Variants in AFF3 observed in about 807,000 individuals in gnomAD.
AFF3 encodes ALF transcription elongation factor 3, also known as AF4/FMR2 family member 3.
In AFF3, 32 loss-of-function variants were observed where a neutral mutation model predicts 129.7. The observed-to-expected ratio is 0.25, with a 90% confidence interval of 0.19 to 0.33. AFF3 has a LOEUF of 0.33. Among genes scored for constraint, AFF3 ranks in the 10% least tolerant of loss-of-function variants. AFF3 has a pLI of 1.00. For missense variants in AFF3, 1,373 were observed against 1,592.0 expected, an observed-to-expected ratio of 0.86 and a Z score of 2.34; for synonymous variants, 644 against 635.4, an observed-to-expected ratio of 1.01 and a Z score of -0.20.
chr2:99,983,292 G>A (rs1297653985), intron 7 of AFF3, among the ~76,000 whole-genome samples: 3 of 152,092 alleles, frequency 2.0e-5, no homozygotes, highest in Non-Finnish European at 2.9e-5. Context: ...TAGCCCATTT[G>A]CTCCATCCTG....
At chr2:99,836,987 C>G (rs532592724) in intron 8 of AFF3, among the ~76,000 whole-genome samples, 1 of 152,232 alleles carries the variant, frequency 6.6e-6, no homozygotes, top group Non-Finnish European at 1.5e-5. Flanking sequence ...ATGAAAAGGA[C>G]GGGCTCACAG....
chr2:100,032,427 T>C (rs1208146397), intron 4 of AFF3, among the ~76,000 whole-genome samples: 1 of 119,720 alleles, frequency 8.4e-6, no homozygotes, highest in Non-Finnish European at 1.8e-5. Flanking sequence ...AGACTCTGTC[T>C]CAAAAAAAAA....
At chr2:99,649,710 T>G in intron 12 of AFF3, 44 bp from the exon 13 acceptor site, 1 of 1,609,768 alleles carries the variant, frequency 6.2e-7, no homozygotes, top group South Asian at 1.1e-5. Context: ...ATATTCTGAC[T>G]TTTGAATTAC....
At chr2:99,640,928 G>A (rs1375390161) in intron 13 of AFF3, among the ~76,000 whole-genome samples, 1 of 152,178 alleles carries the variant, frequency 6.6e-6, no homozygotes, top group African/African-American at 2.4e-5. Flanking sequence ...CATGCTTGAG[G>A]GATGCACTGC....
chr2:99,711,713 T>C, intron 11 of AFF3, among the ~76,000 whole-genome samples: 1 of 152,210 alleles, frequency 6.6e-6, no homozygotes, highest in Admixed American at 6.5e-5. Flanking sequence ...ATTCCTTCAT[T>C]TATTCATACT....
intron 7 of AFF3, among the ~76,000 whole-genome samples, chr2:99,988,032 G>T (rs543213179): frequency 4.6e-5 from 7 of 152,088 alleles, no homozygotes; most frequent in African/African-American, 1.7e-4. Context: ...CCAGGAGCAC[G>T]CAGAACAATA....
intron 4 of AFF3, among the ~76,000 whole-genome samples, chr2:100,091,358 C>T (rs1478512289): frequency 6.6e-6 from 1 of 152,100 alleles, no homozygotes; most frequent in African/African-American, 2.4e-5. Flanking sequence ...AGGACAACAT[C>T]GTGGGACTCC....
chr2:99,778,901 T>TGC (rs1348371223), intron 8 of AFF3, among the ~76,000 whole-genome samples: 1 of 5,726 alleles, frequency 1.7e-4, no homozygotes, highest in Non-Finnish European at 3.4e-4. Flanking sequence ...TGTGCGCGTG[T>TGC]GTGTGTGTGT....
intron 4 of AFF3, among the ~76,000 whole-genome samples, chr2:100,025,563 G>C (rs956449280): frequency 2.0e-5 from 3 of 151,992 alleles, no homozygotes; most frequent in African/African-American, 7.2e-5. Context: ...AAATTCATAT[G>C]GAACCAAAAA....
At chr2:99,708,588 C>T (rs1428911883) in intron 11 of AFF3, among the ~76,000 whole-genome samples, 1 of 152,160 alleles carries the variant, frequency 6.6e-6, no homozygotes. Flanking sequence ...TTTGAAGGCA[C>T]TGATATAGTT....
intron 7 of AFF3, among the ~76,000 whole-genome samples, chr2:99,862,277 C>T (rs944308580): frequency 2.0e-5 from 3 of 152,136 alleles, no homozygotes; most frequent in Admixed American, 1.3e-4. Flanking sequence ...GCTGAATTCA[C>T]TGGAATGGTC....
At chr2:99,667,542 T>C (rs1194513437) in intron 12 of AFF3, among the ~76,000 whole-genome samples, 3 of 151,856 alleles carry the variant, frequency 2.0e-5, no homozygotes, top group Admixed American at 6.6e-5. Context: ...AAAAAACAAA[T>C]AGATAATATT....
At chr2:99,635,539 C>T (rs9677992) in intron 13 of AFF3, among the ~76,000 whole-genome samples, 15,647 of 152,094 alleles carry the variant, frequency 0.1, 915 homozygotes, top group East Asian at 0.16. Context: ...TAGACTCAAG[C>T]GATCCTCCCA....
intron 11 of AFF3, chr2:99,707,196 C>T (rs1405795070): frequency 2.0e-6 from 2 of 985,286 alleles, no homozygotes; most frequent in South Asian, 4.7e-5. Context: ...GGTTATTCTT[C>T]CCCATCCACA....
chr2:99,965,338 T>G (rs1291584073), intron 7 of AFF3, among the ~76,000 whole-genome samples: 1 of 152,170 alleles, frequency 6.6e-6, no homozygotes, highest in Non-Finnish European at 1.5e-5. Flanking sequence ...GAAGCCTTAG[T>G]CAAATCTATT....
chr2:99,694,081 C>A (rs1051613662), intron 11 of AFF3, among the ~76,000 whole-genome samples: 2 of 152,110 alleles, frequency 1.3e-5, no homozygotes, highest in Non-Finnish European at 2.9e-5. Flanking sequence ...CCACACTCGG[C>A]TAATTTTTGT....
intron 4 of AFF3, among the ~76,000 whole-genome samples, chr2:100,057,331 A>AC (rs1686883544): frequency 6.6e-6 from 1 of 151,120 alleles, no homozygotes; most frequent in Non-Finnish European, 1.5e-5. Context: ...AAAAAAAAAA[A>AC]AAAAAAAAAA....
At chr2:100,001,361 A>G (rs912115368) in intron 7 of AFF3, among the ~76,000 whole-genome samples, 4 of 152,224 alleles carry the variant, frequency 2.6e-5, no homozygotes, top group Non-Finnish European at 5.9e-5. Context: ...TTCTCATCAC[A>G]AGACTATAGA....
intron 12 of AFF3, among the ~76,000 whole-genome samples, chr2:99,656,060 G>A (rs1366810467): frequency 2.0e-5 from 3 of 152,152 alleles, no homozygotes; most frequent in African/African-American, 7.2e-5. Context: ...TAAGAGCAGG[G>A]GGCAAAGGCA....
Sources: allele counts gnomAD v4.1 joint callset (sites outside exome capture counted in the v4.1 genomes callset), GRCh38; gene constraint gnomAD v4.1.1; transcripts MANE v1.5; gene names NCBI Gene and HGNC (gene_info 2026-07-23, HGNC 2026-07-21).